The following MUC5B variants were observed in gnomAD, a reference collection of about 807,000 sequenced individuals.
MUC5B encodes the protein mucin 5B, oligomeric mucus/gel-forming.
In MUC5B, 116 loss-of-function variants were observed where a neutral mutation model predicts 376.9. The observed-to-expected ratio is 0.31, with a 90% CI of 0.26 to 0.36. MUC5B has a LOEUF of 0.36. Among genes scored for constraint, MUC5B ranks in the 10% least tolerant of loss-of-function variants. The pLI, the probability that MUC5B is intolerant of heterozygous loss-of-function variation, is 1.00. For missense variants in MUC5B, 7,165 were observed against 7,769.9 expected, an observed-to-expected ratio of 0.92 and a Z score of 2.93; for synonymous variants, 3,517 against 3,390.9, an observed-to-expected ratio of 1.04 and a Z score of -1.29.
rs1862537025 is a variant in MUC5B at position 1,247,777 on chromosome 11, G to C, written c.10897G>C (p.Val3633Leu). The C allele has an allele frequency of 6.2e-7, 1 of 1,607,650 alleles. No homozygotes were observed. Among genetic ancestry groups the C allele is most frequent in the Non-Finnish European group, 8.5e-7 (1 of 1,178,030 alleles). Residue 3633 changes from valine (V) to leucine (L), a missense_variant, in exon 31 of 49, where the codon GTC (valine) becomes CTC (leucine). Transcript: ENST00000529681. ...PGVPLRELGQ[V>L]VECSLDFGLV... ...TGTCCCCCTGCGGGAGTTGGGCCAG[G>C]TCGTGGAATGCAGCCTGGACTTTGG... is the stretch of plus-strand genomic sequence containing the variant.
intron 13 of MUC5B, 40 bp from the exon 14 acceptor site, chr11:1,231,383 C>T (rs1181536939): frequency 7.6e-6 from 12 of 1,579,682 alleles, no homozygotes; most frequent in Non-Finnish European, 1.0e-5. Context: ...CAGATCTGTC[C>T]CTGCACCCCT....
rs999201701 is a variant in MUC5B, at chr11:1,234,103, G to C, written c.2378-102G>C. The stretch of plus-strand genomic sequence containing the variant: ...GTGTCATGGAAGCTTTGGCTCGGGG[G>C]CTGTTAACTTGATCAGCAGGACAGG... On this transcript the variant is annotated intron_variant, in intron 19 of 48. Transcript: ENST00000529681. This position sits in a 1 kb window ranked among gnomAD's most constrained non-coding sequence, Gnocchi z 6.3. The C allele has an allele frequency of 5.0e-6, 5 of 997,460 alleles. No individual in the cohort carries two copies. The South Asian group carries it at 7.3e-5, about 15-fold the overall frequency. 61.8% of individuals were successfully genotyped at this position (997,460 alleles called of 1,614,324 possible).
chr11:1,226,917 A>G (rs761819994), intron 4 of MUC5B, 41 bp downstream of exon 4: 2 of 1,465,804 alleles, frequency 1.4e-6, no homozygotes, highest in Non-Finnish European at 1.8e-6. Flanking sequence ...GCCGGGCCAC[A>G]CAGTGTGACC....
chr11:1,228,702 T>C lies in MUC5B; in HGVS notation c.913T>C (p.Tyr305His). Residue 305 changes from tyrosine (Y) to histidine (H), a missense_variant, in exon 8 of 49, where the codon TAC becomes CAC. Coordinates refer to ENST00000529681, the MANE Select transcript of MUC5B (RefSeq NM_002458.3). ...CTGCCCGTGTGCCACCTTTGTGGAA[T>C]ACTCACGCCAGTGCGCCCACGCGGG... is the stretch of plus-strand genomic sequence containing the variant. The part of the protein sequence containing the change: ...PTCPCATFVE[Y>H]SRQCAHAGGQ... 1 of 1,532,490 alleles carries C rather than the reference T, an allele frequency of 6.5e-7. No homozygotes were observed. The highest frequency in any genetic ancestry group is 8.7e-7 in the Non-Finnish European group (1 of 1,144,562). 94.9% of individuals were successfully genotyped at this position (1,532,490 alleles called of 1,614,324 possible). A position where few individuals can be genotyped will look rare whatever the true frequency, so the allele number is the denominator to read the frequency against.
At chr11:1,231,865 G>GTTCTGGGAGCAGAA in intron 14 of MUC5B, 131 bp from the exon 15 acceptor site, 1 of 1,298,232 alleles carries the variant, frequency 7.7e-7, no homozygotes, top group Non-Finnish European at 1.1e-6. Flanking sequence ...TCTGCAGAGG[G>GTTCTGGGAGCAGAA]TTCTGGGAGC....
intron 26 of MUC5B, 96 bp from the exon 27 acceptor site, chr11:1,239,342 G>C (rs1862225933): frequency 2.0e-6 from 3 of 1,474,130 alleles, no homozygotes; most frequent in Non-Finnish European, 2.7e-6. Flanking sequence ...TCTGGCTCTG[G>C]GGACACCGGC....
Position 1,225,720 on chromosome 11 carries a change from G to C in MUC5B, c.110G>C (p.Gly37Ala), listed in dbSNP as rs1363567855. 3 of 1,606,654 alleles carry C rather than the reference G, an allele frequency of 1.9e-6. No homozygotes were observed. Among genetic ancestry groups the C allele is most frequent in the Non-Finnish European group, 2.5e-6 (3 of 1,177,200 alleles). The change falls in exon 2 of 49, where the codon GGG becomes GCG. Residue 37 changes from glycine to alanine, a missense_variant. By Grantham distance (60) the Gly-to-Ala change is moderately conservative. Transcript: ENST00000529681. The stretch of plus-strand genomic sequence containing the variant: ...GTGGAGCCGAGCTGGGAGAATGCAG[G>C]GCACACCATGGATGGCGGTATGTGG... ...GPVEPSWENA[G>A]HTMDGGAPTS...
Position 1,223,098 on chromosome 11 carries a change from T to TC in MUC5B, c.-20dup. ...CCGGCTCCCTCCCTGCCCGTCCCCG[T>TC]CCCCCCACCCGTGCCAGCCCCCAGG... On this transcript the variant is annotated 5_prime_UTR_variant, in exon 1 of 49. Transcript: ENST00000529681. 1 of 674,482 alleles carries TC rather than the reference T, an allele frequency of 1.5e-6. No homozygotes were observed. Among genetic ancestry groups the TC allele is most frequent in the East Asian group, 2.9e-5 (1 of 35,080 alleles). 41.8% of individuals were successfully genotyped at this position (674,482 alleles called of 1,614,324 possible).
intron 27 of MUC5B, 75 bp downstream of exon 27, chr11:1,239,641 C>G (rs1862233594): frequency 1.3e-6 from 2 of 1,514,436 alleles, no homozygotes; most frequent in Admixed American, 2.1e-5. Flanking sequence ...CGGGGATCCC[C>G]AGGGACGCGG....
In MUC5B at chr11:1,258,869, T is replaced by G; in HGVS notation, c.16594-73T>G. 2 of 1,536,520 alleles carry G rather than the reference T, an allele frequency of 1.3e-6. No homozygotes were observed. Among genetic ancestry groups the G allele is most frequent in the African/African-American group, 1.4e-5 (1 of 72,902 alleles). On this transcript the variant is annotated intron_variant, in intron 43 of 48. Coordinates refer to ENST00000529681, the MANE Select transcript of MUC5B (RefSeq NM_002458.3). The surrounding 1 kb of genome is among the most constrained non-coding windows in gnomAD (Gnocchi z 5.5). ...AAGGAACAACTCCCTGCAGGCCCCA[T>G]TGGGTCATGGGGAGGGGTCCTGGCC...
chr11:1,253,944 C>G lies in MUC5B; in HGVS notation c.15218-148C>G. 1 of 1,101,574 alleles carries G rather than the reference C, an allele frequency of 9.1e-7. No homozygotes were observed. The highest frequency in any genetic ancestry group is 1.6e-5 in the African/African-American group (1 of 63,742). 68.2% of individuals were successfully genotyped at this position (1,101,574 alleles called of 1,614,324 possible). On this transcript the variant is annotated intron_variant, in intron 33 of 48. Transcript: ENST00000529681. The surrounding 1 kb of genome is among the most constrained non-coding windows in gnomAD (Gnocchi z 4.3). Reference sequence around the variant, plus strand: ...GGGGACCCCATTCTACACACTGGACCCATTTTTATAGACGAGGCAGCTGAG... The same window carrying G: ...GGGGACCCCATTCTACACACTGGACGCATTTTTATAGACGAGGCAGCTGAG...
chr11:1,240,059 G>T lies in MUC5B; in HGVS notation c.3743G>T (p.Ser1248Ile). ...ENCQSCNCTP[S>I]GIQCAHSLEA... is the part of the protein sequence containing the mutation. Reference sequence around the variant, plus strand: ...CCCACCCCTAGTAACTGCACACCCAGTGGCATCCAGTGCGCTCACAGCCTT... The same window carrying T: ...CCCACCCCTAGTAACTGCACACCCATTGGCATCCAGTGCGCTCACAGCCTT... The change falls in exon 29 of 49, where the codon AGT (serine) becomes ATT (isoleucine). Residue 1248 changes from serine (S) to isoleucine (I), a missense_variant. Physicochemically the swap from Ser to Ile is moderately radical, Grantham distance 142 (BLOSUM62 -2). Coordinates refer to ENST00000529681, the MANE Select transcript of MUC5B (RefSeq NM_002458.3). 1 of 1,571,454 alleles carries T rather than the reference G, an allele frequency of 6.4e-7. No individual in the cohort carries two copies. Among genetic ancestry groups the T allele is most frequent in the Non-Finnish European group, 8.6e-7 (1 of 1,157,868 alleles).
Position 1,227,673 on chromosome 11 carries a change from A to G in MUC5B, c.668-2A>G. On this transcript the variant is annotated splice_acceptor_variant, in intron 6 of 48. Coordinates refer to ENST00000529681, the MANE Select transcript of MUC5B (RefSeq NM_002458.3). LOFTEE classifies it high-confidence loss of function. ...ACCACACCCCTGCTTTCTTCCCGGC[A>G]GACGCCAGGCTGACCCCGCTCCAGT... is the stretch of plus-strand genomic sequence containing the variant. 2.8e-6 allele frequency: 2 copies of G among 719,464 alleles called. No homozygotes were observed. The highest frequency in any genetic ancestry group is 1.5e-5 in the South Asian group (1 of 67,678). The allele number at this position is 719,464 out of a possible 1,614,324, so 44.6% of individuals were successfully genotyped here. A position where few individuals can be genotyped will look rare whatever the true frequency, so the allele number is the denominator to read the frequency against.
chr11:1,257,245 G>A lies in MUC5B; in HGVS notation c.16243G>A (p.Val5415Met), dbSNP rs895570250. The change falls in exon 40 of 49, where the codon GTG (valine) becomes ATG (methionine). Residue 5415 changes from valine to methionine, a missense_variant. Physicochemically the swap from Val to Met is conservative, Grantham distance 21. Around this residue, in one of 31 missense-constraint regions of MUC5B, gnomAD observed 842 missense variants for 1,016.9 expected, o/e 0.83. Coordinates refer to ENST00000529681, the MANE Select transcript of MUC5B (RefSeq NM_002458.3). The surrounding 1 kb of genome is among the most constrained non-coding windows in gnomAD (Gnocchi z 8.9). ...MGICVQACPC[V>M]GPDGFPKFPG... ...CCATGCTGTTTTCTTTCCAGCCTGCGTGGGACCCGATGGGTTTCCTAAATT... is the reference window on the plus strand; with the variant it reads ...CCATGCTGTTTTCTTTCCAGCCTGCATGGGACCCGATGGGTTTCCTAAATT... The A allele has an allele frequency of 7.7e-6, 6 of 779,824 alleles. No homozygotes were observed. Among genetic ancestry groups the A allele is most frequent in the African/African-American group, 1.7e-5 (1 of 59,274 alleles). 48.3% of individuals were successfully genotyped at this position (779,824 alleles called of 1,614,324 possible).
rs2133825216 is a variant in MUC5B at position 1,242,436 on chromosome 11, G to C, written c.5556G>C (p.Glu1852Asp). The part of the protein sequence containing the change: ...QVGQVLTCSL[E>D]TGLTCKNEDQ... ...GGCAGGTGCTGACCTGCAGCCTGGA[G>C]ACGGGGCTGACCTGCAAGAACGAAG... Residue 1852 changes from glutamate to aspartate, a missense_variant, in exon 31 of 49, where the codon GAG becomes GAC. Physicochemically the swap from Glu to Asp is conservative, Grantham distance 45. Transcript: ENST00000529681. 6.2e-7 allele frequency: 1 copy of C among 1,613,810 alleles called. No homozygotes were observed. The highest frequency in any genetic ancestry group is 8.5e-7 in the Non-Finnish European group (1 of 1,179,814).
At position 1,261,942 on chromosome 11, in the gene MUC5B, G is replaced by A. The variant is rs1038088896; in HGVS notation, c.*334G>A. 13 of 540,552 alleles carry A rather than the reference G, an allele frequency of 2.4e-5. No homozygotes were observed. Among genetic ancestry groups the A allele is most frequent in the African/African-American group, 1.3e-4 (7 of 53,382 alleles). 33.5% of individuals were successfully genotyped at this position (540,552 alleles called of 1,614,324 possible). A position where few individuals can be genotyped will look rare whatever the true frequency, so the allele number is the denominator to read the frequency against. ...TCCCTGCCACGGCCGGAGCGCCCGC[G>A]CAGCACGGATTCCAGCTGGCCACGT... On this transcript the variant is annotated 3_prime_UTR_variant, in exon 49 of 49. Coordinates refer to ENST00000529681, the MANE Select transcript of MUC5B (RefSeq NM_002458.3).
At chr11:1,227,884 T>C in intron 7 of MUC5B, 103 bp downstream of exon 7, 1 of 625,152 alleles carries the variant, frequency 1.6e-6, no homozygotes, top group Non-Finnish European at 2.9e-6. Flanking sequence ...GGAGAGATGG[T>C]GCCATTGGAG....
At chr11:1,232,223 C>A (rs1439087043) in intron 15 of MUC5B, 63 bp downstream of exon 15, 1 of 1,499,012 alleles carries the variant, frequency 6.7e-7, no homozygotes, top group Non-Finnish European at 9.0e-7. Flanking sequence ...ACCTTCCTGT[C>A]CCCTGGGCCA....
At chr11:1,239,078 G>A (rs1387794906) in intron 26 of MUC5B, 51 bp downstream of exon 26, 1 of 1,549,948 alleles carries the variant, frequency 6.5e-7, no homozygotes. Context: ...CTGGGGCAGG[G>A]GAGGAGGTGT....
Sources: gnomAD v4.1 joint callset for allele counts on GRCh38, gnomAD v4.1.1 for gene constraint, gnomAD v4.1.1 regional missense constraint, Gnocchi (gnomAD v3.1) non-coding constraint, MANE v1.5 for transcripts, NCBI Gene and HGNC (gene_info 2026-07-23, HGNC 2026-07-21) for gene names.